The following WWOX variants were observed in gnomAD, a reference collection of about 807,000 sequenced individuals.
WWOX encodes WW domain containing oxidoreductase.
WWOX carries 69 observed loss-of-function variants against 46.2 expected under a neutral mutation model. That is an observed-to-expected ratio of 1.49 (90% CI 1.23 to 1.82). The LOEUF is 1.82. Among genes scored for constraint, WWOX ranks in the 40% most tolerant of loss-of-function variants. The pLI is 0.00. For missense variants in WWOX, 919 were observed against 542.6 expected (o/e 1.69, Z -6.89); for synonymous variants, 359 against 202.6 (o/e 1.77, Z -6.56).
At chr16:79,030,327 C>G (rs1164417658) in intron 8 of WWOX, among the ~76,000 whole-genome samples, 1 of 152,218 alleles carries the variant, frequency 6.6e-6, no homozygotes, top group East Asian at 1.9e-4. Flanking sequence ...CGCAGATCTT[C>G]TGAAAAGGAA....
intron 8 of WWOX, chr16:78,535,009 G>C (rs972656017): frequency 6.6e-6 from 1 of 152,364 alleles, no homozygotes; most frequent in South Asian, 2.1e-4. Context: ...ACCGCACGCA[G>C]CGTATTGCTT....
chr16:78,338,380 G>A (rs2080940729), intron 5 of WWOX, among the ~76,000 whole-genome samples: 1 of 120,962 alleles, frequency 8.3e-6, no homozygotes, highest in African/African-American at 2.8e-5. Flanking sequence ...TTCCCCAGTT[G>A]TAAAGTGTGC....
intron 5 of WWOX, among the ~76,000 whole-genome samples, chr16:78,173,419 G>C (rs2035226823): frequency 1.3e-5 from 2 of 151,510 alleles, no homozygotes; most frequent in South Asian, 4.2e-4. Flanking sequence ...CTCCTGAGTA[G>C]CTGGGACTAC....
At chr16:78,225,525 C>T (rs1361235789) in intron 5 of WWOX, among the ~76,000 whole-genome samples, 3 of 152,296 alleles carry the variant, frequency 2.0e-5, no homozygotes, top group South Asian at 2.1e-4. Context: ...AAAAATCCTT[C>T]TCCATGGTAA....
chr16:78,917,544 T>C (rs575301687), intron 8 of WWOX, among the ~76,000 whole-genome samples: 1 of 152,036 alleles, frequency 6.6e-6, no homozygotes, highest in Non-Finnish European at 1.5e-5. Flanking sequence ...CTGTTGGAAA[T>C]TATTCCTAAC....
intron 8 of WWOX, among the ~76,000 whole-genome samples, chr16:79,127,858 A>G (rs919460507): frequency 4.6e-5 from 7 of 152,176 alleles, no homozygotes; most frequent in Admixed American, 4.6e-4. Context: ...TTAAGGAGAA[A>G]TATTTTGTTG....
intron 6 of WWOX, among the ~76,000 whole-genome samples, chr16:78,392,828 C>T (rs2082205317): frequency 1.3e-5 from 2 of 152,122 alleles, no homozygotes; most frequent in African/African-American, 4.8e-5. Flanking sequence ...ACGTCCTGAC[C>T]TCCTCACTCC....
chr16:78,938,163 G>A (rs1231071179), intron 8 of WWOX, among the ~76,000 whole-genome samples: 2 of 152,136 alleles, frequency 1.3e-5, no homozygotes, highest in African/African-American at 4.8e-5. Context: ...CTGGCCTCTG[G>A]GAAAGACACA....
chr16:79,041,258 C>A (rs2047965377), intron 8 of WWOX, among the ~76,000 whole-genome samples: 2 of 152,304 alleles, frequency 1.3e-5, no homozygotes, highest in Non-Finnish European at 2.9e-5. Context: ...TCTTGGCTTT[C>A]TTCCTTCATA....
chr16:78,481,724 A>AGTTT (rs2084491889), intron 8 of WWOX, among the ~76,000 whole-genome samples: 1 of 136,970 alleles, frequency 7.3e-6, no homozygotes. Context: ...GGGCAAGGGA[A>AGTTT]GTGTGTGTGT....
intron 8 of WWOX, among the ~76,000 whole-genome samples, chr16:78,509,125 A>G (rs531770997): frequency 1.3e-5 from 2 of 152,310 alleles, no homozygotes; most frequent in South Asian, 2.1e-4. Flanking sequence ...GGACAGGACA[A>G]TGACAAAGTT....
At chr16:78,748,131 C>T (rs1180992183) in intron 8 of WWOX, among the ~76,000 whole-genome samples, 4 of 152,114 alleles carry the variant, frequency 2.6e-5, no homozygotes, top group Admixed American at 1.3e-4. Flanking sequence ...TCCTCTATCT[C>T]GCATTTATCC....
At chr16:79,122,903 C>G (rs1178722031) in intron 8 of WWOX, among the ~76,000 whole-genome samples, 1 of 152,190 alleles carries the variant, frequency 6.6e-6, no homozygotes, top group African/African-American at 2.4e-5. Context: ...GCCACCTCAA[C>G]TTTTAGGTCT....
At chr16:78,354,179 TC>T (rs1162156964) in intron 5 of WWOX, among the ~76,000 whole-genome samples, 35 of 152,340 alleles carry the variant, frequency 2.3e-4, no homozygotes, top group African/African-American at 7.9e-4. Context: ...TCAGTTACCT[TC>T]TGTTTGTAAA....
chr16:78,287,787 C>G (rs1356269829), intron 5 of WWOX, among the ~76,000 whole-genome samples: 3 of 151,864 alleles, frequency 2.0e-5, no homozygotes, highest in African/African-American at 7.3e-5. Flanking sequence ...ATTTTTTTTC[C>G]TAAACTTAAA....
chr16:78,167,088 G>T (rs1451751367), intron 5 of WWOX: 1 of 152,198 alleles, frequency 6.6e-6, no homozygotes, highest in Non-Finnish European at 1.5e-5. Flanking sequence ...ACCAGTCTTG[G>T]AAGATAATGC....
chr16:79,083,637 T>C (rs2048802213), intron 8 of WWOX, among the ~76,000 whole-genome samples: 3 of 152,122 alleles, frequency 2.0e-5, no homozygotes, highest in Admixed American at 6.5e-5. Flanking sequence ...ATAAGACAGT[T>C]AGGTTCGAAG....
chr16:78,778,805 G>C (rs2142545742), intron 8 of WWOX, among the ~76,000 whole-genome samples: 1 of 152,266 alleles, frequency 6.6e-6, no homozygotes, highest in South Asian at 2.1e-4. Flanking sequence ...CCTTTTCATG[G>C]AAAGGGAACT....
intron 8 of WWOX, among the ~76,000 whole-genome samples, chr16:78,850,288 T>G (rs1399986424): frequency 1.3e-5 from 2 of 152,140 alleles, no homozygotes; most frequent in Non-Finnish European, 2.9e-5. Context: ...ATTCAGATTT[T>G]CCCCTATGAA....
Sources: gnomAD v4.1 joint callset for allele counts (sites outside exome capture counted in the v4.1 genomes callset) on GRCh38, gnomAD v4.1.1 for gene constraint, MANE v1.5 for transcripts, NCBI Gene and HGNC (gene_info 2026-07-23, HGNC 2026-07-21) for gene names.